The following PRKN variants were observed in gnomAD, a reference collection of about 807,000 sequenced individuals.
PRKN encodes the protein parkin RBR E3 ubiquitin protein ligase.
In PRKN, 56 loss-of-function variants were observed where a neutral mutation model predicts 59.5. The ratio of observed to expected loss-of-function variants is 0.94; its 90% CI spans 0.76 to 1.18. The LOEUF (loss-of-function observed/expected upper bound fraction) is 1.18, where lower values mean the gene tolerates loss of function less well. PRKN is among the 50% of genes most tolerant of loss of function. The pLI is 0.00. For missense variants in PRKN, 657 were observed against 596.4 expected (o/e 1.10, Z -1.06); for synonymous variants, 250 against 222.1 (o/e 1.13, Z -1.12).
intron 9 of PRKN, among the ~76,000 whole-genome samples, chr6:161,501,034 C>G (rs1196749483): frequency 6.6e-6 from 1 of 151,988 alleles, no homozygotes; most frequent in Non-Finnish European, 1.5e-5. Flanking sequence ...CGCCACCATG[C>G]CTGGCTAATT....
In PRKN at chr6:161,385,216, C is replaced by T. The variant is rs1400307599; in HGVS notation, c.1167+1578G>A. Among the ~76,000 whole-genome samples the T allele has an allele frequency of 2.0e-5, 3 of 152,188 alleles. No homozygotes were observed. The highest frequency in any genetic ancestry group is 4.4e-5 in the Non-Finnish European group (3 of 68,042). ...GTGCTGGGATTACAGGCATAAGCCACCTCGCCCGGCCGGGAAATATACTTT... is the reference window on the plus strand; with the variant it reads ...GTGCTGGGATTACAGGCATAAGCCATCTCGCCCGGCCGGGAAATATACTTT... On this transcript the variant is annotated intron_variant, in intron 10 of 11. Coordinates refer to ENST00000366898, the MANE Select transcript of PRKN (RefSeq NM_004562.3). The surrounding 1 kb of genome is among the most constrained non-coding windows in gnomAD (Gnocchi z 4.9).
At chr6:162,612,951 T>A (rs1782257012) in intron 1 of PRKN, among the ~76,000 whole-genome samples, 1 of 152,202 alleles carries the variant, frequency 6.6e-6, no homozygotes, top group Non-Finnish European at 1.5e-5. Context: ...AAGTAAAATG[T>A]TTAAAATTTC....
Position 162,115,373 on chromosome 6 carries a change from ACT to A in PRKN, c.535-61201_535-61200del, listed in dbSNP as rs564505086. On this transcript the variant is annotated intron_variant, in intron 4 of 11. Coordinates refer to ENST00000366898, the MANE Select transcript of PRKN (RefSeq NM_004562.3). ...GGTGGGGGGAGGCGGGAGGGATAGC[ACT>A]GGGAAATATACCTAATGCTAGATGA... Among the ~76,000 whole-genome samples, 271 of 151,938 alleles carry A rather than the reference ACT, an allele frequency of 1.8e-3. 2 individuals carry two copies. Among genetic ancestry groups the A allele is most frequent in the African/African-American group, 6.3e-3 (259 of 41,382 alleles).
chr6:162,072,630 C>T (rs1198490270), intron 4 of PRKN, among the ~76,000 whole-genome samples: 1 of 152,136 alleles, frequency 6.6e-6, no homozygotes, highest in Non-Finnish European at 1.5e-5. Context: ...ATACATGTAA[C>T]TGTAATGTAC....
intron 7 of PRKN, among the ~76,000 whole-genome samples, chr6:161,663,119 C>T (rs1182738082): frequency 6.6e-6 from 1 of 152,210 alleles, no homozygotes; most frequent in Non-Finnish European, 1.5e-5. Context: ...CTTTGCTCCT[C>T]CTTTGCCTTC....
At chr6:161,896,579 T>C (rs775250393) in intron 6 of PRKN, among the ~76,000 whole-genome samples, 11 of 151,932 alleles carry the variant, frequency 7.2e-5, no homozygotes, top group Non-Finnish European at 1.6e-4. Context: ...ACCCACACAA[T>C]GATAAGGCAA....
intron 2 of PRKN, among the ~76,000 whole-genome samples, chr6:162,343,757 G>A (rs1784285364): frequency 2.0e-5 from 3 of 152,052 alleles, no homozygotes; most frequent in Non-Finnish European, 2.9e-5. Context: ...GATTATAGAA[G>A]TAAAATAATA....
At chr6:162,109,146 G>A (rs577619683) in intron 4 of PRKN, among the ~76,000 whole-genome samples, 1 of 152,164 alleles carries the variant, frequency 6.6e-6, no homozygotes, top group Non-Finnish European at 1.5e-5. Flanking sequence ...ATGGCAATGG[G>A]AAACTGACAC....
intron 1 of PRKN, among the ~76,000 whole-genome samples, chr6:162,620,560 G>C (rs764612227): frequency 2.0e-5 from 3 of 152,138 alleles, no homozygotes; most frequent in Non-Finnish European, 4.4e-5. Flanking sequence ...AAAGAGTTTT[G>C]AAAGTTTCAG....
chr6:161,871,843 C>T (rs540042710), intron 6 of PRKN, among the ~76,000 whole-genome samples: 11 of 152,200 alleles, frequency 7.2e-5, no homozygotes, highest in South Asian at 4.2e-4. Flanking sequence ...ATAAAACTCC[C>T]GTGTATATTT....
chr6:161,830,749 C>T (rs1252448177), intron 6 of PRKN, among the ~76,000 whole-genome samples: 2 of 152,140 alleles, frequency 1.3e-5, no homozygotes, highest in East Asian at 1.9e-4. Flanking sequence ...AAATGCATTA[C>T]CTCACATACT....
At chr6:162,485,611 T>C (rs1792501220) in intron 1 of PRKN, among the ~76,000 whole-genome samples, 1 of 152,192 alleles carries the variant, frequency 6.6e-6, no homozygotes, top group Admixed American at 6.5e-5. Flanking sequence ...TTTGATGCAG[T>C]AGCAGGGTAC....
At chr6:162,218,166 C>T (rs1316639264) in intron 3 of PRKN, among the ~76,000 whole-genome samples, 4 of 152,166 alleles carry the variant, frequency 2.6e-5, no homozygotes, top group African/African-American at 7.2e-5. Context: ...TGGGGAGCAG[C>T]GTGATGGAGG....
rs1290741228 is a variant in PRKN, at chr6:162,472,804, T to TTATATATATATATATATATATA, written c.8-29332_8-29331insTATATATATATATATATATATA. Among the ~76,000 whole-genome samples, 9 of 94,098 alleles carry TTATATATATATATATATATATA rather than the reference T, an allele frequency of 9.6e-5. No homozygotes were observed. In the East Asian group the frequency reaches 1.9e-3, roughly 20 times the overall value. The allele number at this position is 94,098 out of a possible 152,430, so 61.7% of individuals were successfully genotyped here. On this transcript the variant is annotated intron_variant, in intron 1 of 11. Transcript: ENST00000366898. ...CCGCGCCCGGCCCCAAACTTTTATT[T>TTATATATATATATATATATATA]TATATATATATATCTTAGTAGAAGT...
rs1785438355 is a variant in PRKN at position 161,371,396 on chromosome 6, C to T, written c.1168-11191G>A. Among the ~76,000 whole-genome samples, 1 of 151,912 alleles carries T rather than the reference C, an allele frequency of 6.6e-6. No individual in the cohort carries two copies. The highest frequency in any genetic ancestry group is 3.2e-3 in the Middle Eastern group (1 of 314). On this transcript the variant is annotated intron_variant, in intron 10 of 11. Coordinates refer to ENST00000366898, the MANE Select transcript of PRKN (RefSeq NM_004562.3). This position sits in a 1 kb window ranked among gnomAD's most constrained non-coding sequence, Gnocchi z 5.5. ...GCCAGGCTAGTTTTGAACTCCTGAC[C>T]TCAGGTGATCTGCCCGCCTCCGTCT...
intron 1 of PRKN, among the ~76,000 whole-genome samples, chr6:162,705,393 C>T (rs560904943): frequency 6.6e-6 from 1 of 152,324 alleles, no homozygotes; most frequent in Admixed American, 6.5e-5. Flanking sequence ...TGAAATCCTA[C>T]TCTTTCCATC....
intron 3 of PRKN, among the ~76,000 whole-genome samples, chr6:162,218,160 G>C (rs1453305950): frequency 1.3e-5 from 2 of 152,204 alleles, no homozygotes; most frequent in African/African-American, 4.8e-5. Flanking sequence ...ACTTGCTGGG[G>C]AGCAGCGTGA....
At chr6:161,924,526 A>G (rs1469885004) in intron 6 of PRKN, among the ~76,000 whole-genome samples, 1 of 152,220 alleles carries the variant, frequency 6.6e-6, no homozygotes, top group Non-Finnish European at 1.5e-5. Flanking sequence ...CTATAAATGA[A>G]TTTCAGTAAT....
chr6:162,278,935 A>C (rs1254346887), intron 2 of PRKN, among the ~76,000 whole-genome samples: 2 of 152,178 alleles, frequency 1.3e-5, no homozygotes, highest in Non-Finnish European at 2.9e-5. Context: ...AAGGTTGTAC[A>C]GATATTTGCT....
Sources: gnomAD v4.1 joint callset for allele counts (sites outside exome capture counted in the v4.1 genomes callset) on GRCh38, gnomAD v4.1.1 for gene constraint, Gnocchi (gnomAD v3.1) non-coding constraint, MANE v1.5 for transcripts, NCBI Gene and HGNC (gene_info 2026-07-23, HGNC 2026-07-21) for gene names.